Variants in RABGGTB observed in about 807,000 individuals in gnomAD.
RABGGTB encodes Rab geranylgeranyltransferase subunit beta, also known as geranylgeranyl transferase type-2 subunit beta.
In RABGGTB, 20 loss-of-function variants were observed where a neutral mutation model predicts 44.5. That is an observed-to-expected ratio of 0.45 (90% CI 0.32 to 0.65). The LOEUF is 0.65. Among genes scored for constraint, RABGGTB ranks in the 30% least tolerant of loss-of-function variants. The pLI is 0.05. For missense variants in RABGGTB, 302 were observed against 398.7 expected (o/e 0.76, Z 2.06); for synonymous variants, 128 against 136.7 (o/e 0.94, Z 0.44).
At chr1:75,790,563 A>G in intron 4 of RABGGTB, 1 of 822,522 alleles carries the variant, frequency 1.2e-6, no homozygotes, top group Non-Finnish European at 1.5e-6. Context: ...TTTGGGTTCT[A>G]TTAGTTTTCT....
chr1:75,794,355 A>G, intron 8 of RABGGTB, 122 bp downstream of exon 8: 1 of 1,340,860 alleles, frequency 7.5e-7, no homozygotes, highest in Non-Finnish European at 1.0e-6. Context: ...TTTTCTATTT[A>G]TTGTAGAGTG....
rs539768286 is a variant in RABGGTB at position 75,789,539 on chromosome 1, C to T, written c.309+183C>T. On this transcript the variant is annotated intron_variant, in intron 3 of 8. Transcript: ENST00000319942. Reference sequence around the variant, plus strand: ...AGTTGATGTGAGTTCTAAAATTACACTGAGACCTTGGAGGGTAAAATTTTT... The same window carrying T: ...AGTTGATGTGAGTTCTAAAATTACATTGAGACCTTGGAGGGTAAAATTTTT... The T allele has an allele frequency of 5.2e-5, 41 of 793,366 alleles. 1 individual carries two copies. Among genetic ancestry groups the T allele is most frequent in the Admixed American group, 4.9e-4 (29 of 59,006 alleles). 49.1% of individuals were successfully genotyped at this position (793,366 alleles called of 1,614,324 possible).
At chr1:75,791,059 G>A (rs1020904471) in intron 4 of RABGGTB, among the ~76,000 whole-genome samples, 11 of 152,140 alleles carry the variant, frequency 7.2e-5, no homozygotes, top group African/African-American at 2.7e-4. Flanking sequence ...CAAAATGTTG[G>A]AATTATAGGC....
At chr1:75,789,868 C>A in intron 3 of RABGGTB, 84 bp from the exon 4 acceptor site, 3 of 1,010,690 alleles carry the variant, frequency 3.0e-6, no homozygotes, top group Non-Finnish European at 4.6e-6. Context: ...AAAGGATGTG[C>A]TTGACAACTT....
chr1:75,790,250 A>T, intron 4 of RABGGTB, 193 bp downstream of exon 4: 1 of 1,264,234 alleles, frequency 7.9e-7, no homozygotes, highest in African/African-American at 1.5e-5. Flanking sequence ...GCACTGGAAC[A>T]GAGGGGGCCA....
In RABGGTB at chr1:75,790,034, G is replaced by T. The variant is rs1649608153; in HGVS notation, c.392G>T (p.Gly131Val). The change falls in exon 4 of 9, where the codon GGT (glycine) becomes GTT (valine). Residue 131 changes from glycine to valine, a missense_variant. Physicochemically the swap from Gly to Val is moderately radical, Grantham distance 109. This residue lies in a region of RABGGTB where 213 missense variants were observed against 323.7 expected (regional missense o/e 0.66). Transcript: ENST00000319942. ...GTTAAAGGTCTACAGAAAGAAGATG[G>T]TTCTTTTGCTGGAGATATTTGGGGT... ...EYVKGLQKEDGSFAGDIWGEI... is the reference protein window; with the variant it reads ...EYVKGLQKEDVSFAGDIWGEI... 1 of 1,612,460 alleles carries T rather than the reference G, an allele frequency of 6.2e-7. No homozygotes were observed. The highest frequency in any genetic ancestry group is 1.7e-5 in the Admixed American group (1 of 59,924).
rs756978562 is a variant in RABGGTB, at chr1:75,789,217, T to G, written c.170T>G (p.Met57Arg). The G allele has an allele frequency of 6.2e-7, 1 of 1,613,992 alleles. No individual in the cohort carries two copies. The highest frequency in any genetic ancestry group is 1.3e-5 in the African/African-American group (1 of 74,936). Reference protein sequence around the residue: ...MSGIYWGLTVMDLMGQLHRMN... With the variant: ...MSGIYWGLTVRDLMGQLHRMN... ...GGCATCTATTGGGGTCTGACAGTAATGGATCTCATGGGACAACTTCATCGC... is the reference window on the plus strand; with the variant it reads ...GGCATCTATTGGGGTCTGACAGTAAGGGATCTCATGGGACAACTTCATCGC... The change falls in exon 3 of 9, where the codon ATG becomes AGG. Residue 57 changes from methionine to arginine, a missense_variant. Around this residue, in one of 2 missense-constraint regions of RABGGTB, gnomAD observed 89 missense variants for 75.0 expected, o/e 1.19. Transcript: ENST00000319942.
intron 5 of RABGGTB, 31 bp downstream of exon 5, chr1:75,791,368 A>C: frequency 6.3e-7 from 1 of 1,598,346 alleles, no homozygotes; most frequent in Non-Finnish European, 8.6e-7. Flanking sequence ...TGAAATGATT[A>C]AAGTTCATGA....
At chr1:75,788,129 T>C (rs1349040282) in intron 2 of RABGGTB, 1 of 310,054 alleles carries the variant, frequency 3.2e-6, no homozygotes, top group Admixed American at 4.0e-5. Flanking sequence ...ATGGTATGTA[T>C]TAATTTTTTA....
rs1649583823 is a variant in RABGGTB, at chr1:75,789,238, A to C, written c.191A>C (p.His64Pro). 6.2e-7 allele frequency: 1 copy of C among 1,613,928 alleles called. No homozygotes were observed. The highest frequency in any genetic ancestry group is 1.1e-5 in the South Asian group (1 of 91,084). The change falls in exon 3 of 9, where the codon CAT becomes CCT. Residue 64 changes from histidine (H) to proline (P), a missense_variant. His to Pro is a moderately conservative substitution (Grantham distance 77, BLOSUM62 -2). Transcript: ENST00000319942. ...LTVMDLMGQL[H>P]RMNREEILAF... The stretch of plus-strand genomic sequence containing the variant: ...GTAATGGATCTCATGGGACAACTTC[A>C]TCGCATGAATAGAGAAGAGATTCTG...
chr1:75,794,462 A>T (rs867880368), intron 8 of RABGGTB, 48 bp from the exon 9 acceptor site: 1 of 1,550,200 alleles, frequency 6.5e-7, no homozygotes, highest in Middle Eastern at 1.8e-4. Flanking sequence ...ATTTGAAGTT[A>T]AAGAAGTTTT....
At chr1:75,794,040 GA>G in intron 7 of RABGGTB, 43 bp from the exon 8 acceptor site, 1 of 1,515,526 alleles carries the variant, frequency 6.6e-7, no homozygotes, top group South Asian at 1.2e-5. Context: ...CAAAATTAGG[GA>G]AATAAAAGAG....
In RABGGTB at chr1:75,791,321, C is replaced by T; in HGVS notation, c.452C>T (p.Ala151Val). The T allele has an allele frequency of 1.2e-6, 2 of 1,610,330 alleles. No homozygotes were observed. The highest frequency in any genetic ancestry group is 1.7e-6 in the Non-Finnish European group (2 of 1,177,102). ...ACAAGATTCTCTTTTTGTGCGGTGG[C>T]AACTTTGGCTTTGTTGGTAAGCTTT... is the stretch of plus-strand genomic sequence containing the variant. Reference protein sequence around the residue: ...IDTRFSFCAVATLALLGKLDA... With the variant: ...IDTRFSFCAVVTLALLGKLDA... Residue 151 changes from alanine to valine, a missense_variant, in exon 5 of 9, where the codon GCA becomes GTA. Physicochemically the swap from Ala to Val is moderately conservative, Grantham distance 64 (BLOSUM62 0). Around this residue, in one of 2 missense-constraint regions of RABGGTB, gnomAD observed 213 missense variants for 323.7 expected, o/e 0.66. Coordinates refer to ENST00000319942, the MANE Select transcript of RABGGTB (RefSeq NM_004582.4).
intron 6 of RABGGTB, 28 bp downstream of exon 6, chr1:75,791,599 A>G (rs1649649109): frequency 6.4e-7 from 1 of 1,550,630 alleles, no homozygotes; most frequent in Non-Finnish European, 8.8e-7. Flanking sequence ...ATGAAAATGT[A>G]TTGTCATTTT....
Position 75,794,157 on chromosome 1 carries a change from G to A in RABGGTB, c.779G>A (p.Arg260Lys). 7.4e-6 allele frequency: 12 copies of A among 1,613,864 alleles called. No homozygotes were observed. Among genetic ancestry groups the A allele is most frequent in the Non-Finnish European group, 1.0e-5 (12 of 1,179,804 alleles). The change falls in exon 8 of 9, where the codon AGA (arginine) becomes AAA (lysine). Residue 260 changes from arginine (R) to lysine (K), a missense_variant. By Grantham distance (26) the Arg-to-Lys change is conservative (BLOSUM62 2). Around this residue, in one of 2 missense-constraint regions of RABGGTB, gnomAD observed 213 missense variants for 323.7 expected, o/e 0.66. Coordinates refer to ENST00000319942, the MANE Select transcript of RABGGTB (RefSeq NM_004582.4). ...KIIGRLHWID[R>K]EKLRNFILAC... ...ATTGGAAGACTTCATTGGATTGATAGAGAGAAACTGCGTAATTTCATTTTA... is the reference window on the plus strand; with the variant it reads ...ATTGGAAGACTTCATTGGATTGATAAAGAGAAACTGCGTAATTTCATTTTA...
chr1:75,787,607 A>G lies in RABGGTB; in HGVS notation c.111+3A>G. 1 of 1,601,108 alleles carries G rather than the reference A, an allele frequency of 6.2e-7. No individual in the cohort carries two copies. The highest frequency in any genetic ancestry group is 8.6e-7 in the Non-Finnish European group (1 of 1,168,404). On this transcript the variant is annotated splice_donor_region_variant and intron_variant, in intron 2 of 8. Coordinates refer to ENST00000319942, the MANE Select transcript of RABGGTB (RefSeq NM_004582.4). ...ATGGCTCAAAGAAAGATGATTATGT[A>G]TGTATAATTTTTTTATGTTGGAAAG... is the stretch of plus-strand genomic sequence containing the variant.
intron 4 of RABGGTB, among the ~76,000 whole-genome samples, chr1:75,790,678 G>A (rs1269440575): frequency 2.0e-5 from 3 of 152,136 alleles, no homozygotes; most frequent in Admixed American, 2.0e-4. Context: ...TTGGAGTGCA[G>A]TATTTTGGGA....
At chr1:75,787,053 T>C (rs1321740693) in intron 1 of RABGGTB, 2 of 518,196 alleles carry the variant, frequency 3.9e-6, no homozygotes, top group Non-Finnish European at 7.7e-6. Flanking sequence ...CAACAAGAAA[T>C]GCTGGTGGTA....
At chr1:75,786,867 TGC>T (rs1192625929) in intron 1 of RABGGTB, 1 of 328,162 alleles carries the variant, frequency 3.0e-6, no homozygotes, top group Admixed American at 4.6e-5. Flanking sequence ...ACTTAGAAGG[TGC>T]TTTGAAACCT....
Sources: allele counts gnomAD v4.1 joint callset (sites outside exome capture counted in the v4.1 genomes callset), GRCh38; gene constraint gnomAD v4.1.1; regional missense constraint gnomAD v4.1.1; transcripts MANE v1.5; gene names NCBI Gene and HGNC (gene_info 2026-07-23, HGNC 2026-07-21).